MAP4K4: variants seen among roughly 807,000 people sequenced by gnomAD.
MAP4K4 encodes HPK/GCK-like kinase HGK.
MAP4K4 carries 38 observed loss-of-function variants against 189.6 expected under a neutral mutation model. The observed-to-expected ratio is 0.20, with a 90% CI of 0.15 to 0.26. MAP4K4 has a LOEUF of 0.26. Among genes scored for constraint, MAP4K4 ranks in the 10% least tolerant of loss-of-function variants. The pLI is 1.00. For synonymous variants in MAP4K4, 610 were observed against 624.3 expected, an observed-to-expected ratio of 0.98 and a Z score of 0.34; for missense variants, 1,054 against 1,726.9, an observed-to-expected ratio of 0.61 and a Z score of 6.91.
chr2:101,865,607 T>A (rs1387304956), intron 18 of MAP4K4, among the ~76,000 whole-genome samples: 1 of 152,238 alleles, frequency 6.6e-6, no homozygotes, highest in Non-Finnish European at 1.5e-5. Context: ...ATTCATGAGC[T>A]CTATAGCCAC....
intron 2 of MAP4K4, 88 bp from the exon 3 acceptor site, chr2:101,790,632 C>T (rs1259659654): frequency 1.3e-5 from 12 of 896,524 alleles, no homozygotes; most frequent in East Asian, 2.6e-5. Flanking sequence ...AGTTGAGATA[C>T]GATTTGTTGG....
chr2:101,766,269 G>A (rs1056581489), intron 2 of MAP4K4, among the ~76,000 whole-genome samples: 7 of 152,310 alleles, frequency 4.6e-5, no homozygotes, highest in Admixed American at 2.0e-4. Context: ...TTCTTTATGA[G>A]TGCTGGGGGC....
chr2:101,870,181 C>CT (rs2097942833), intron 22 of MAP4K4, 114 bp from the exon 23 acceptor site: 1 of 1,088,558 alleles, frequency 9.2e-7, no homozygotes. Flanking sequence ...TTGGAGGAGG[C>CT]TTTATATCGG....
exon 33 of MAP4K4, chr2:101,891,243 C>A: frequency 1.2e-6 from 2 of 1,613,246 alleles, no homozygotes; most frequent in South Asian, 2.2e-5. Context: ...CTCTTCTGAG[C>A]TGGTAGAAGC....
chr2:101,854,374 C>T (rs2097378249), intron 12 of MAP4K4, among the ~76,000 whole-genome samples: 2 of 152,098 alleles, frequency 1.3e-5, no homozygotes, highest in Admixed American at 1.3e-4. Flanking sequence ...GACCCCATCT[C>T]CACCCATGGG....
intron 2 of MAP4K4, among the ~76,000 whole-genome samples, chr2:101,721,057 T>A (rs759557830): frequency 2.0e-5 from 3 of 152,232 alleles, no homozygotes; most frequent in Non-Finnish European, 2.9e-5. Context: ...TTAATTCAGA[T>A]CTTCCAGTTA....
chr2:101,717,333 C>T (rs904327997), intron 2 of MAP4K4, among the ~76,000 whole-genome samples: 9 of 152,078 alleles, frequency 5.9e-5, no homozygotes, highest in East Asian at 5.8e-4. Flanking sequence ...ATAATGAAGG[C>T]GAAAAGAGAT....
intron 1 of MAP4K4, 125 bp from the exon 2 acceptor site, chr2:101,698,348 T>G: frequency 3.5e-5 from 33 of 944,596 alleles, no homozygotes; most frequent in Admixed American, 7.9e-5. Context: ...CCCCGGGCGC[T>G]GGGGGACCGC....
At chr2:101,808,800 G>T (rs2095217893) in intron 3 of MAP4K4, among the ~76,000 whole-genome samples, 1 of 150,730 alleles carries the variant, frequency 6.6e-6, no homozygotes. Context: ...TAGTTTCATT[G>T]TGTGTGTGTG....
At chr2:101,872,421 G>A (rs2098068126) in intron 24 of MAP4K4, among the ~76,000 whole-genome samples, 1 of 152,152 alleles carries the variant, frequency 6.6e-6, no homozygotes, top group Non-Finnish European at 1.5e-5. Flanking sequence ...CTGGGTGTTA[G>A]CTCAGTCTGG....
At chr2:101,890,454 T>C (rs1423889164) in intron 32 of MAP4K4, among the ~76,000 whole-genome samples, 1 of 152,058 alleles carries the variant, frequency 6.6e-6, no homozygotes, top group Middle Eastern at 3.2e-3. Flanking sequence ...GTGGGTTGTT[T>C]TTGTTTGTTT....
rs1268100231 is a variant in MAP4K4, at chr2:101,746,608, A to AT, written c.124-44111dup. Among the ~76,000 whole-genome samples, 4 of 152,256 alleles carry AT rather than the reference A, an allele frequency of 2.6e-5. No individual in the cohort carries two copies. The East Asian group carries it at 7.7e-4, about 29-fold the overall frequency. On this transcript the variant is annotated intron_variant, in intron 2 of 32. Transcript: ENST00000324219. ...TGTAGAATGAGACCTTGCTATAAAA[A>AT]TGTTGTCTTTGGGATCTTGCACATT...
At chr2:101,877,527 G>C (rs932373242) in intron 27 of MAP4K4, among the ~76,000 whole-genome samples, 2 of 149,390 alleles carry the variant, frequency 1.3e-5, no homozygotes, top group Admixed American at 1.3e-4. Context: ...CCAGGCTGGA[G>C]TGCAGTGGCG....
In MAP4K4 at chr2:101,860,915, CGATCA is replaced by C; in HGVS notation, c.1798_1802del (p.Ser600ValfsTer45). On this transcript the variant is annotated frameshift_variant, in exon 16 of 33. Coordinates refer to ENST00000324219, the Ensembl canonical transcript of MAP4K4. LOFTEE classifies it high-confidence loss of function. ...AGTATTGGAGCCACCAGTGCCTTCC[CGATCA>C]GAGTCTTTTTCCAATGGCAACTCCG... 6.2e-7 allele frequency: 1 copy of C among 1,607,090 alleles called. No individual in the cohort carries two copies. Among genetic ancestry groups the C allele is most frequent in the Non-Finnish European group, 8.5e-7 (1 of 1,176,562 alleles).
At chr2:101,698,395 C>G in intron 1 of MAP4K4, 78 bp from the exon 2 acceptor site, 1 of 1,329,726 alleles carries the variant, frequency 7.5e-7, no homozygotes, top group Admixed American at 1.7e-5. Flanking sequence ...ACCGCCTTTT[C>G]TCTCCAACTG....
intron 2 of MAP4K4, among the ~76,000 whole-genome samples, chr2:101,765,344 A>G (rs1042602216): frequency 2.6e-5 from 4 of 152,114 alleles, no homozygotes; most frequent in Non-Finnish European, 5.9e-5. Flanking sequence ...TTTAGAGATG[A>G]AGTATTTTTT....
chr2:101,727,684 AAT>A (rs1338851166), intron 2 of MAP4K4, among the ~76,000 whole-genome samples: 1 of 152,220 alleles, frequency 6.6e-6, no homozygotes, highest in East Asian at 1.9e-4. Context: ...AGAAGGTGGT[AAT>A]GGTCGGGCAC....
intron 2 of MAP4K4, among the ~76,000 whole-genome samples, chr2:101,761,165 T>C (rs1261663472): frequency 6.6e-6 from 1 of 152,218 alleles, no homozygotes; most frequent in Non-Finnish European, 1.5e-5. Flanking sequence ...GAAACATTTG[T>C]GTTTTGTGAA....
intron 3 of MAP4K4, among the ~76,000 whole-genome samples, chr2:101,821,341 T>C (rs538576611): frequency 6.6e-6 from 1 of 152,284 alleles, no homozygotes; most frequent in African/African-American, 2.4e-5. Flanking sequence ...CATCATTCAT[T>C]AGGCAGTTTT....
Sources: gnomAD v4.1 joint callset for allele counts (sites outside exome capture counted in the v4.1 genomes callset) on GRCh38, gnomAD v4.1.1 for gene constraint, MANE v1.5 for transcripts, NCBI Gene and HGNC (gene_info 2026-07-23, HGNC 2026-07-21) for gene names.